COG5: variants seen among roughly 807,000 people sequenced by gnomAD.
COG5 encodes the protein conserved oligomeric Golgi complex subunit 5.
In COG5, 86 loss-of-function variants were observed where a neutral mutation model predicts 110.4. The observed-to-expected ratio is 0.78, with a 90% CI of 0.65 to 0.93. The LOEUF is 0.93. COG5 is among the 40% of genes least tolerant of loss of function. The probability of loss-of-function intolerance (pLI) is 0.00; values close to 1 mark genes in which losing one functional copy is unlikely to be tolerated. For synonymous variants in COG5, 360 were observed against 334.6 expected, an observed-to-expected ratio of 1.08 and a Z score of -0.83; for missense variants, 1,077 against 987.0, an observed-to-expected ratio of 1.09 and a Z score of -1.22.
At chr7:107,461,441 T>C (rs1475213669) in intron 6 of COG5, among the ~76,000 whole-genome samples, 1 of 152,096 alleles carries the variant, frequency 6.6e-6, no homozygotes, top group Non-Finnish European at 1.5e-5. Flanking sequence ...AAAAATGATA[T>C]CCATAAAAAC....
At position 107,238,002 on chromosome 7, in the gene COG5, TATA is replaced by T. The variant is rs528599695; in HGVS notation, c.1854-1318_1854-1316del. Among the ~76,000 whole-genome samples, 273 of 152,286 alleles carry T rather than the reference TATA, an allele frequency of 1.8e-3. 1 individual carries two copies. The highest frequency in any genetic ancestry group is 2.7e-3 in the Non-Finnish European group (183 of 68,018). The stretch of plus-strand genomic sequence containing the variant: ...TTTTTAATGTTTATTTTTGATGAAT[TATA>T]ATAATATATAATAAGGGGATACACA... On this transcript the variant is annotated intron_variant, in intron 17 of 21. Transcript: ENST00000297135.
intron 11 of COG5, among the ~76,000 whole-genome samples, chr7:107,321,085 A>T (rs1809225464): frequency 6.6e-6 from 1 of 152,200 alleles, no homozygotes; most frequent in Admixed American, 6.5e-5. Flanking sequence ...ATTTGTAAGA[A>T]ATCACCAATA....
intron 19 of COG5, among the ~76,000 whole-genome samples, chr7:107,229,403 C>T (rs1263955725): frequency 6.6e-6 from 1 of 152,070 alleles, no homozygotes; most frequent in Non-Finnish European, 1.5e-5. Context: ...GAGCCAAGAT[C>T]GTGCCACTGC....
chr7:107,236,511 G>T lies in COG5; in HGVS notation c.2030C>A (p.Ala677Asp), dbSNP rs778785040. 2.5e-6 allele frequency: 4 copies of T among 1,614,146 alleles called. No individual in the cohort carries two copies. In the South Asian group the frequency reaches 4.4e-5, roughly 18 times the overall value. The change falls in exon 18 of 22, where the codon GCC (alanine) becomes GAC (aspartate). Residue 677 changes from alanine to aspartate, a missense_variant. Transcript: ENST00000297135. ...TTCACCAAGAGGTCTTATGAGACTG[G>T]CATGGCGGATAAAAAGTTCAACAGC... The part of the protein sequence containing the change: ...QRAVELFIRH[A>D]SLIRPLGEGG...
At chr7:107,247,213 G>A (rs1014873740) in intron 17 of COG5, among the ~76,000 whole-genome samples, 2 of 152,042 alleles carry the variant, frequency 1.3e-5, no homozygotes, top group Non-Finnish European at 2.9e-5. Flanking sequence ...CACTGGGGTC[G>A]ACTTGACAGG....
chr7:107,283,220 C>T (rs559424841), intron 13 of COG5, among the ~76,000 whole-genome samples: 106 of 152,210 alleles, frequency 7.0e-4, no homozygotes, highest in Non-Finnish European at 1.2e-3. Flanking sequence ...AAAAGTTAAC[C>T]TGTATGTTTT....
At chr7:107,292,816 C>A (rs932931567) in intron 12 of COG5, among the ~76,000 whole-genome samples, 1 of 152,260 alleles carries the variant, frequency 6.6e-6, no homozygotes, top group Admixed American at 6.5e-5. Context: ...AGAGGAAGGT[C>A]TTCAAGACTC....
chr7:107,434,649 T>C (rs541785025), intron 6 of COG5, among the ~76,000 whole-genome samples: 79 of 152,284 alleles, frequency 5.2e-4, no homozygotes, highest in Non-Finnish European at 1.0e-3. Flanking sequence ...TGTGGCATTA[T>C]AAACCCAATA....
At chr7:107,563,604 TCCAGAAAAGAGGGAG>T in intron 1 of COG5, 184 bp downstream of exon 1, 1 of 590,950 alleles carries the variant, frequency 1.7e-6, no homozygotes, top group Non-Finnish European at 3.1e-6. Flanking sequence ...TCCCCAAGAC[TCCAGAAAAGAGGGAG>T]CCAGTCCCAG....
chr7:107,203,418 TTAAAA>T lies in COG5; in HGVS notation c.*93_*97del. The stretch of plus-strand genomic sequence containing the variant: ...AAATACCGAACAATCAATTACATTC[TTAAAA>T]TAGTAGATAGTAGCAGTCTTTTGGA... On this transcript the variant is annotated 3_prime_UTR_variant, in exon 22 of 22. Transcript: ENST00000297135. 1.2e-6 allele frequency: 1 copy of T among 821,418 alleles called. No homozygotes were observed. Among genetic ancestry groups the T allele is most frequent in the Non-Finnish European group, 2.1e-6 (1 of 466,212 alleles). 50.9% of individuals were successfully genotyped at this position (821,418 alleles called of 1,614,324 possible).
At chr7:107,225,066 G>A (rs1044243961) in intron 19 of COG5, among the ~76,000 whole-genome samples, 23 of 152,180 alleles carry the variant, frequency 1.5e-4, no homozygotes, top group African/African-American at 5.3e-4. Context: ...GTGTGCATGT[G>A]TGTACATGCT....
intron 6 of COG5, among the ~76,000 whole-genome samples, chr7:107,446,029 G>A (rs1794987979): frequency 6.6e-6 from 1 of 152,168 alleles, no homozygotes; most frequent in Non-Finnish European, 1.5e-5. Context: ...CCACTCAGCA[G>A]CTCTAGGAAC....
chr7:107,229,990 A>G (rs1341638680), intron 19 of COG5, among the ~76,000 whole-genome samples: 4 of 151,782 alleles, frequency 2.6e-5, no homozygotes, highest in Non-Finnish European at 5.9e-5. Context: ...AGCTGGAACT[A>G]CAGGTGTGCA....
chr7:107,508,434 G>T (rs1326166498), intron 6 of COG5, among the ~76,000 whole-genome samples: 1 of 152,234 alleles, frequency 6.6e-6, no homozygotes, highest in Admixed American at 6.5e-5. Flanking sequence ...GCCTGCCTCT[G>T]TAGGCTCCAC....
chr7:107,358,299 A>C (rs1812802289), intron 10 of COG5, among the ~76,000 whole-genome samples: 1 of 152,208 alleles, frequency 6.6e-6, no homozygotes, highest in Non-Finnish European at 1.5e-5. Flanking sequence ...TTTGTGTAGA[A>C]AGCCAAAACC....
intron 6 of COG5, among the ~76,000 whole-genome samples, chr7:107,431,611 A>C (rs1234412570): frequency 6.6e-6 from 1 of 152,146 alleles, no homozygotes; most frequent in Non-Finnish European, 1.5e-5. Flanking sequence ...ATTATTTACT[A>C]GAAAAATCCT....
chr7:107,428,316 G>C (rs923171986), intron 6 of COG5, among the ~76,000 whole-genome samples: 4 of 152,090 alleles, frequency 2.6e-5, no homozygotes, highest in African/African-American at 9.7e-5. Context: ...AACTGGATTA[G>C]GGTGGCCCCT....
intron 16 of COG5, among the ~76,000 whole-genome samples, chr7:107,251,369 A>G (rs1186965480): frequency 6.6e-6 from 1 of 152,150 alleles, no homozygotes; most frequent in Admixed American, 6.6e-5. Flanking sequence ...CTCACATGAT[A>G]AACTTTAATT....
chr7:107,478,747 G>C (rs776577377), intron 6 of COG5, among the ~76,000 whole-genome samples: 4 of 151,834 alleles, frequency 2.6e-5, no homozygotes, highest in Admixed American at 6.6e-5. Flanking sequence ...TGAAGATAAG[G>C]GGGGAACAAA....
Sources: allele counts gnomAD v4.1 joint callset (sites outside exome capture counted in the v4.1 genomes callset), GRCh38; gene constraint gnomAD v4.1.1; transcripts MANE v1.5; gene names NCBI Gene and HGNC (gene_info 2026-07-23, HGNC 2026-07-21).